JAKMIP2: variants seen among roughly 807,000 people sequenced by gnomAD.
JAKMIP2 encodes the protein janus kinase and microtubule interacting protein 2, also known as janus kinase and microtubule-interacting protein 2.
In JAKMIP2, 25 loss-of-function variants were observed where a neutral mutation model predicts 115.0. The ratio of observed to expected loss-of-function variants is 0.22; its 90% confidence interval spans 0.16 to 0.30. JAKMIP2 has a LOEUF of 0.30. Ranked by LOEUF, JAKMIP2 falls within the 10% of genes least tolerant of loss-of-function variation. The probability of loss-of-function intolerance (pLI) is 1.00; values close to 1 mark genes in which losing one functional copy is unlikely to be tolerated. For synonymous variants in JAKMIP2, 334 were observed against 343.6 expected (o/e 0.97, Z 0.31); for missense variants, 642 against 957.6 (o/e 0.67, Z 4.35).
chr5:147,639,883 AT>A, intron 9 of JAKMIP2, 123 bp from the exon 10 acceptor site: 1 of 1,169,342 alleles, frequency 8.6e-7, no homozygotes, highest in Non-Finnish European at 1.2e-6. Flanking sequence ...AGTCTATTTG[AT>A]TTTATTTTTA....
At chr5:147,610,647 G>GGAGGCACGGGGGTCAGGGACCCACTT (rs1756268763) in intron 20 of JAKMIP2, among the ~76,000 whole-genome samples, 1 of 152,218 alleles carries the variant, frequency 6.6e-6, no homozygotes, top group African/African-American at 2.4e-5. Flanking sequence ...CTCCCAGTCA[G>GGAGGCACGGGGGTCAGGGACCCACTT]GAGGCACGGG....
At chr5:147,760,923 G>T (rs577252360) in intron 1 of JAKMIP2, among the ~76,000 whole-genome samples, 17 of 152,060 alleles carry the variant, frequency 1.1e-4, no homozygotes, top group Non-Finnish European at 2.1e-4. Context: ...GGTCTGGAAA[G>T]GTACAGGGAC....
chr5:147,747,198 C>T (rs2127009860), intron 1 of JAKMIP2, among the ~76,000 whole-genome samples: 1 of 152,180 alleles, frequency 6.6e-6, no homozygotes, highest in South Asian at 2.1e-4. Flanking sequence ...AGAAGGCTGA[C>T]CAGTACTAAG....
At chr5:147,603,521 C>G (rs991999270) in intron 20 of JAKMIP2, among the ~76,000 whole-genome samples, 1 of 152,136 alleles carries the variant, frequency 6.6e-6, no homozygotes, top group Admixed American at 6.5e-5. Flanking sequence ...TGAAGAGTAT[C>G]TCTGGCATAC....
rs907668567 is a variant in JAKMIP2 at position 147,586,111 on chromosome 5, G to C, written c.*5596C>G. The stretch of plus-strand genomic sequence containing the variant: ...AGTAGTGAACAGAAGGTGGGGTAAG[G>C]GAGAGAAGAGGTAGTCAAGGATGGG... On this transcript the variant is annotated 3_prime_UTR_variant, in exon 22 of 22. Coordinates refer to ENST00000616793, the MANE Select transcript of JAKMIP2 (RefSeq NM_001270941.2). 2 of 152,056 alleles carry C rather than the reference G, an allele frequency of 1.3e-5. No homozygotes were observed. Among genetic ancestry groups the C allele is most frequent in the African/African-American group, 4.8e-5 (2 of 41,400 alleles). 9.4% of individuals were successfully genotyped at this position (152,056 alleles called of 1,614,324 possible).
chr5:147,612,422 C>T (rs369213870), intron 19 of JAKMIP2, 51 bp from the exon 20 acceptor site: 12 of 1,106,526 alleles, frequency 1.1e-5, no homozygotes, highest in Admixed American at 2.4e-5. Flanking sequence ...GTAAGTTGTG[C>T]GGAAAAATAA....
intron 1 of JAKMIP2, among the ~76,000 whole-genome samples, chr5:147,714,111 T>C (rs150282467): frequency 1.3e-5 from 2 of 152,204 alleles, no homozygotes; most frequent in East Asian, 1.9e-4. Flanking sequence ...CATGAGGAGA[T>C]GAGACAGCAT....
intron 16 of JAKMIP2, among the ~76,000 whole-genome samples, chr5:147,624,433 G>A (rs1024767246): frequency 2.6e-5 from 4 of 152,162 alleles, no homozygotes; most frequent in Non-Finnish European, 4.4e-5. Flanking sequence ...TATTGTTGGA[G>A]GAAGCAGGAT....
chr5:147,655,709 T>C (rs1178188151), intron 3 of JAKMIP2, among the ~76,000 whole-genome samples: 1 of 152,218 alleles, frequency 6.6e-6, no homozygotes, highest in Non-Finnish European at 1.5e-5. Context: ...TCTGCTCTGA[T>C]CTTAGCTATT....
intron 3 of JAKMIP2, 184 bp downstream of exon 3, chr5:147,660,763 TG>T: frequency 1.6e-6 from 1 of 643,620 alleles, no homozygotes; most frequent in Non-Finnish European, 2.6e-6. Context: ...AATTTTGGCC[TG>T]AGCATATCTC....
chr5:147,633,561 C>G (rs2126692944), intron 12 of JAKMIP2, among the ~76,000 whole-genome samples: 1 of 152,304 alleles, frequency 6.6e-6, no homozygotes, highest in African/African-American at 2.4e-5. Flanking sequence ...TCAGAAGTGA[C>G]ACCTCTCCTT....
intron 17 of JAKMIP2, among the ~76,000 whole-genome samples, chr5:147,621,350 A>C (rs1221029306): frequency 6.6e-6 from 1 of 152,186 alleles, no homozygotes; most frequent in Non-Finnish European, 1.5e-5. Flanking sequence ...TTAGCACTTA[A>C]AACTATATTT....
intron 19 of JAKMIP2, among the ~76,000 whole-genome samples, chr5:147,615,573 G>A (rs956882280): frequency 1.3e-5 from 2 of 152,112 alleles, no homozygotes; most frequent in African/African-American, 4.8e-5. Context: ...AGGCAAGAAT[G>A]TACCATGAGG....
chr5:147,695,970 C>T (rs6878916), intron 1 of JAKMIP2, among the ~76,000 whole-genome samples: 45,964 of 151,898 alleles, frequency 0.3, 8,530 homozygotes, highest in East Asian at 0.5. Context: ...TTTGCTTTCA[C>T]TTTAAAGGAG....
At chr5:147,638,321 G>C (rs1299355096) in intron 10 of JAKMIP2, among the ~76,000 whole-genome samples, 6 of 151,828 alleles carry the variant, frequency 4.0e-5, no homozygotes, top group African/African-American at 1.2e-4. Context: ...AATGACACAG[G>C]GAGGAATCTC....
At chr5:147,649,017 G>C (rs1392006862) in intron 4 of JAKMIP2, among the ~76,000 whole-genome samples, 1 of 152,148 alleles carries the variant, frequency 6.6e-6, no homozygotes, top group Non-Finnish European at 1.5e-5. Flanking sequence ...TAGTTTATAG[G>C]ATAGGCCTGA....
At chr5:147,736,571 T>A (rs189820324) in intron 1 of JAKMIP2, among the ~76,000 whole-genome samples, 24 of 152,296 alleles carry the variant, frequency 1.6e-4, no homozygotes, top group Non-Finnish European at 3.2e-4. Context: ...TTAGGGGGTA[T>A]CATAGAGTTT....
At chr5:147,722,992 T>G (rs942866755) in intron 1 of JAKMIP2, among the ~76,000 whole-genome samples, 39 of 152,234 alleles carry the variant, frequency 2.6e-4, no homozygotes, top group African/African-American at 9.4e-4. Context: ...AATAAGAATA[T>G]TATGTTATTA....
intron 1 of JAKMIP2, among the ~76,000 whole-genome samples, chr5:147,755,928 A>G (rs12173247): frequency 6.6e-6 from 1 of 152,320 alleles, no homozygotes; most frequent in East Asian, 1.9e-4. Context: ...TTGAAGAGCC[A>G]CAATGAAAAT....
Sources: allele counts gnomAD v4.1 joint callset (sites outside exome capture counted in the v4.1 genomes callset), GRCh38; gene constraint gnomAD v4.1.1; transcripts MANE v1.5; gene names NCBI Gene and HGNC (gene_info 2026-07-23, HGNC 2026-07-21).